The following MAP4K5 variants were observed in gnomAD, a reference collection of about 807,000 sequenced individuals.
MAP4K5 encodes the protein mitogen-activated protein kinase kinase kinase kinase 5.
Under a neutral mutation model 135.6 loss-of-function variants are expected in MAP4K5, and 82 were observed. The ratio of observed to expected loss-of-function variants is 0.60; its 90% confidence interval spans 0.51 to 0.73. The LOEUF (loss-of-function observed/expected upper bound fraction) is 0.73. MAP4K5 is among the 30% of genes least tolerant of loss of function. The pLI, the probability that MAP4K5 is intolerant of heterozygous loss-of-function variation, is 0.00. For synonymous variants in MAP4K5, 347 were observed against 335.0 expected, an observed-to-expected ratio of 1.04 and a Z score of -0.39; for missense variants, 907 against 1,010.9, an observed-to-expected ratio of 0.90 and a Z score of 1.39.
In MAP4K5 at chr14:50,541,292, T is replaced by C. The variant is rs2038557165; in HGVS notation, c.-94+1207A>G. On this transcript the variant is annotated intron_variant, in intron 2 of 8. Coordinates refer to the MAP4K5 transcript ENST00000555216. ...ATATCATGGTAGTCTTTTATCTTGA[T>C]AACATTATGCAAATTGCACCTTGTG... Among the ~76,000 whole-genome samples the C allele has an allele frequency of 3.3e-5, 5 of 152,204 alleles. No individual in the cohort carries two copies. The South Asian group carries it at 1.0e-3, about 32-fold the overall frequency.
intron 2 of MAP4K5, among the ~76,000 whole-genome samples, chr14:50,540,743 T>C (rs575546617): frequency 1.3e-5 from 2 of 152,206 alleles, no homozygotes; most frequent in Non-Finnish European, 2.9e-5. Context: ...ATATATTGAG[T>C]AGCAGAATTC....
At chr14:50,492,694 T>C (rs1365118500) in intron 3 of MAP4K5, among the ~76,000 whole-genome samples, 6 of 152,060 alleles carry the variant, frequency 3.9e-5, no homozygotes, top group African/African-American at 1.2e-4. Flanking sequence ...TGGTAAGATA[T>C]ATCTGGTTGA....
rs1383572537 is a variant in MAP4K5, at chr14:50,425,932, T to C, written c.2372A>G (p.Gln791Arg). 3.7e-6 allele frequency: 6 copies of C among 1,612,680 alleles called. No homozygotes were observed. The highest frequency in any genetic ancestry group is 2.7e-5 in the African/African-American group (2 of 74,916). ...CTCATCTGACTTGAAGCTTTTACCCTGCATCCCATGTTTCCAGAAAGCCAA... is the reference window on the plus strand; with the variant it reads ...CTCATCTGACTTGAAGCTTTTACCCCGCATCCCATGTTTCCAGAAAGCCAA... Reference protein sequence around the residue: ...SVLAFWKHGMQGKSFKSDEVT... With the variant: ...SVLAFWKHGMRGKSFKSDEVT... The change falls in exon 31 of 33, where the codon CAG becomes CGG. Residue 791 changes from glutamine (Q) to arginine (R), a missense_variant. Physicochemically the swap from Gln to Arg is conservative, Grantham distance 43. This residue lies in a region of MAP4K5 where 690 missense variants were observed against 777.4 expected (regional missense o/e 0.89). Transcript: ENST00000682126.
At chr14:50,460,224 T>C (rs2036681330) in intron 13 of MAP4K5, among the ~76,000 whole-genome samples, 1 of 152,146 alleles carries the variant, frequency 6.6e-6, no homozygotes, top group Admixed American at 6.5e-5. Context: ...TTCCATCACA[T>C]GTGTAAATTA....
chr14:50,428,814 T>C (rs908780149), intron 29 of MAP4K5, 60 bp from the exon 30 acceptor site: 3 of 783,786 alleles, frequency 3.8e-6, no homozygotes. Flanking sequence ...AAATGTAACT[T>C]GATATATGTG....
chr14:50,513,412 A>T (rs1325948744), intron 2 of MAP4K5, among the ~76,000 whole-genome samples: 1 of 152,220 alleles, frequency 6.6e-6, no homozygotes, highest in East Asian at 1.9e-4. Flanking sequence ...AGTTTTGTAA[A>T]CTATGAACTC....
intron 1 of MAP4K5, among the ~76,000 whole-genome samples, chr14:50,553,068 G>A (rs184082958): frequency 3.0e-4 from 46 of 152,232 alleles, no homozygotes; most frequent in Admixed American, 1.4e-3. Context: ...GCTGAGGCGG[G>A]TAGATTACTT....
intron 6 of MAP4K5, among the ~76,000 whole-genome samples, chr14:50,480,396 A>G (rs535536088): frequency 1.0e-5 from 1 of 97,522 alleles, no homozygotes; most frequent in South Asian, 4.7e-4. Context: ...GAACTTACTC[A>G]TTCTTTCTTT....
chr14:50,442,639 T>A (rs17718040), intron 21 of MAP4K5, 93 bp downstream of exon 21: 20,073 of 913,466 alleles, frequency 0.022, 256 homozygotes, highest in Non-Finnish European at 0.026. Context: ...AAAGTCGTAT[T>A]TTTAAAATAA....
rs529292464 is a variant in MAP4K5 at position 50,444,570 on chromosome 14, G to A, written c.1339+471C>T. 3.3e-5 allele frequency among the ~76,000 whole-genome samples: 5 copies of A among 151,842 alleles called. 1 individual carries two copies. In the South Asian group the frequency reaches 8.3e-4, roughly 25 times the overall value. ...CTGAGATTAGCCTGGGCAACACGGC[G>A]AAACCCCATCTCTACAGAAAAAAAA... On this transcript the variant is annotated intron_variant, in intron 18 of 32. Coordinates refer to ENST00000682126, the MANE Select transcript of MAP4K5 (RefSeq NM_006575.6).
In MAP4K5 at chr14:50,485,750, T is replaced by G. The variant is rs2139930045; in HGVS notation, c.258-108A>C. ...CCAGGGTTCAGAATGGACTGTGAAGTGCAACAGGAAACTGCTATGTAATCT... is the reference window on the plus strand; with the variant it reads ...CCAGGGTTCAGAATGGACTGTGAAGGGCAACAGGAAACTGCTATGTAATCT... On this transcript the variant is annotated intron_variant, in intron 4 of 32. Transcript: ENST00000682126. 7 of 660,952 alleles carry G rather than the reference T, an allele frequency of 1.1e-5. No homozygotes were observed. The South Asian group carries it at 1.2e-4, about 12-fold the overall frequency. 40.9% of individuals were successfully genotyped at this position (660,952 alleles called of 1,614,324 possible).
chr14:50,554,173 A>G (rs889343270), intron 1 of MAP4K5, among the ~76,000 whole-genome samples: 9 of 152,100 alleles, frequency 5.9e-5, no homozygotes, highest in African/African-American at 2.2e-4. Context: ...TTGTGCCTAT[A>G]TGCCTGATGA....
chr14:50,473,824 C>G (rs527771641), intron 9 of MAP4K5, among the ~76,000 whole-genome samples: 2 of 147,830 alleles, frequency 1.4e-5, no homozygotes, highest in Admixed American at 1.4e-4. Flanking sequence ...CCTGGGTTCA[C>G]GCCCTTCTCC....
chr14:50,512,784 A>T (rs1430689765), intron 2 of MAP4K5, among the ~76,000 whole-genome samples: 1 of 152,168 alleles, frequency 6.6e-6, no homozygotes, highest in East Asian at 1.9e-4. Flanking sequence ...TCGCGCTATA[A>T]TCCAAAAGAG....
Position 50,532,163 on chromosome 14 carries a change from A to G in MAP4K5, c.-109-5T>C. ...AGCCTCCGCCCGCAGCTCCGTCTGCACGAGGGACGAGCAAAGGCTGGTTGG... is the reference window on the plus strand; with the variant it reads ...AGCCTCCGCCCGCAGCTCCGTCTGCGCGAGGGACGAGCAAAGGCTGGTTGG... On this transcript the variant is annotated splice_region_variant and splice_polypyrimidine_tract_variant and intron_variant, in intron 1 of 32. Coordinates refer to ENST00000682126, the MANE Select transcript of MAP4K5 (RefSeq NM_006575.6). 2 of 673,090 alleles carry G rather than the reference A, an allele frequency of 3.0e-6. No individual in the cohort carries two copies. The highest frequency in any genetic ancestry group is 5.0e-6 in the Non-Finnish European group (2 of 397,830). 41.7% of individuals were successfully genotyped at this position (673,090 alleles called of 1,614,324 possible). A position where few individuals can be genotyped will look rare whatever the true frequency, so the allele number is the denominator to read the frequency against.
chr14:50,453,013 T>C (rs1161998573), intron 14 of MAP4K5, among the ~76,000 whole-genome samples: 1 of 152,218 alleles, frequency 6.6e-6, no homozygotes, highest in African/African-American at 2.4e-5. Context: ...TGTTGACAGA[T>C]GCTTGTTACT....
At chr14:50,554,281 A>G (rs1313002690) in intron 1 of MAP4K5, among the ~76,000 whole-genome samples, 6 of 152,180 alleles carry the variant, frequency 3.9e-5, no homozygotes, top group Non-Finnish European at 8.8e-5. Flanking sequence ...TTGGTTACAC[A>G]CCTTACCTAC....
intron 2 of MAP4K5, among the ~76,000 whole-genome samples, chr14:50,531,016 T>C (rs1213338088): frequency 2.0e-5 from 3 of 152,156 alleles, no homozygotes; most frequent in Non-Finnish European, 4.4e-5. Flanking sequence ...GCGATATATA[T>C]CATGATCAAA....
At chr14:50,441,134 G>A (rs2036216744) in intron 21 of MAP4K5, among the ~76,000 whole-genome samples, 1 of 152,140 alleles carries the variant, frequency 6.6e-6, no homozygotes. Flanking sequence ...TGAATAAGTG[G>A]GAAAGAAGAT....
Sources: allele counts gnomAD v4.1 joint callset (sites outside exome capture counted in the v4.1 genomes callset), GRCh38; gene constraint gnomAD v4.1.1; regional missense constraint gnomAD v4.1.1; transcripts MANE v1.5; gene names NCBI Gene and HGNC (gene_info 2026-07-23, HGNC 2026-07-21).